DIS3L2: variants seen among roughly 807,000 people sequenced by gnomAD.
The protein encoded by DIS3L2 is DIS3 like 3'-5' exoribonuclease 2, also known as DIS3-like exonuclease 2.
Under a neutral mutation model 97.5 loss-of-function variants are expected in DIS3L2, and 34 were observed. The observed-to-expected ratio is 0.35, with a 90% CI of 0.27 to 0.46. DIS3L2 has a LOEUF of 0.46. Among genes scored for constraint, DIS3L2 ranks in the 20% least tolerant of loss-of-function variants. The pLI, the probability that DIS3L2 is intolerant of heterozygous loss-of-function variation, is 1.00. For missense variants in DIS3L2, 1,038 were observed against 1,146.0 expected (o/e 0.91, Z 1.36); for synonymous variants, 435 against 445.2 (o/e 0.98, Z 0.29).
At chr2:232,208,838 G>A (rs796318686) in intron 9 of DIS3L2, among the ~76,000 whole-genome samples, 5 of 152,092 alleles carry the variant, frequency 3.3e-5, no homozygotes, top group African/African-American at 1.2e-4. Context: ...GATCAGCCTG[G>A]GGAACAGAGT....
chr2:232,113,471 G>C (rs1222207237), intron 6 of DIS3L2, among the ~76,000 whole-genome samples: 2 of 152,216 alleles, frequency 1.3e-5, no homozygotes, highest in Admixed American at 6.5e-5. Flanking sequence ...TTAGACAGTT[G>C]CAAAGTGGTT....
intron 3 of DIS3L2, among the ~76,000 whole-genome samples, chr2:232,024,021 G>A (rs866887392): frequency 2.0e-5 from 3 of 152,062 alleles, no homozygotes; most frequent in South Asian, 2.1e-4. Context: ...CCCACTCTAC[G>A]CCAAGCTCTG....
chr2:232,183,606 T>G (rs1013055352), intron 9 of DIS3L2, among the ~76,000 whole-genome samples: 2 of 152,196 alleles, frequency 1.3e-5, no homozygotes, highest in African/African-American at 2.4e-5. Flanking sequence ...GTGTCAGACC[T>G]TTTCACAGCC....
At chr2:231,984,917 G>A (rs775265380) in intron 1 of DIS3L2, among the ~76,000 whole-genome samples, 1 of 152,128 alleles carries the variant, frequency 6.6e-6, no homozygotes, top group Non-Finnish European at 1.5e-5. Context: ...CACTGTGCCC[G>A]GCAAATTAAA....
chr2:232,147,763 A>C (rs1367477480), intron 8 of DIS3L2, among the ~76,000 whole-genome samples: 8 of 152,234 alleles, frequency 5.3e-5, no homozygotes, highest in Non-Finnish European at 1.2e-4. Flanking sequence ...ATTTACAATG[A>C]AATTAAATTT....
intron 5 of DIS3L2, among the ~76,000 whole-genome samples, chr2:232,059,431 G>T (rs768785202): frequency 6.6e-6 from 1 of 152,146 alleles, no homozygotes; most frequent in South Asian, 2.1e-4. Context: ...CCCAGCATAA[G>T]CCCTGAATCT....
At chr2:231,992,260 A>G (rs1487005220) in intron 1 of DIS3L2, among the ~76,000 whole-genome samples, 2 of 151,998 alleles carry the variant, frequency 1.3e-5, no homozygotes, top group Non-Finnish European at 2.9e-5. Flanking sequence ...TAATGGGTAA[A>G]ATTTTAAGAG....
chr2:232,091,952 G>A (rs190386450), intron 6 of DIS3L2, among the ~76,000 whole-genome samples: 7 of 152,076 alleles, frequency 4.6e-5, no homozygotes, highest in African/African-American at 1.7e-4. Context: ...TGTCTTCCTC[G>A]CTCAAGAAGT....
chr2:232,277,521 A>G (rs1355246007), intron 13 of DIS3L2, among the ~76,000 whole-genome samples: 1 of 152,096 alleles, frequency 6.6e-6, no homozygotes, highest in African/African-American at 2.4e-5. Flanking sequence ...CTTTCTTACT[A>G]CCTTTTATTA....
In DIS3L2 at chr2:232,303,831, T is replaced by G. The variant is rs75019116; in HGVS notation, c.1739+3712T>G. Among the ~76,000 whole-genome samples the G allele has an allele frequency of 2.5e-3, 377 of 152,324 alleles. 1 individual carries two copies. Among genetic ancestry groups the G allele is most frequent in the Non-Finnish European group, 4.4e-3 (298 of 68,028 alleles). On this transcript the variant is annotated intron_variant, in intron 14 of 20. Coordinates refer to ENST00000325385, the MANE Select transcript of DIS3L2 (RefSeq NM_152383.5). ...GCCTGATAATTTTGATCCTTGGCTC[T>G]CTGTCATCCTGTTCTCCTTTCACAT...
downstream of DIS3L2, among the ~76,000 whole-genome samples, chr2:232,337,857 G>T (rs915422332): frequency 6.6e-6 from 1 of 151,614 alleles, no homozygotes; most frequent in Non-Finnish European, 1.5e-5. Flanking sequence ...GACGGGGCTG[G>T]CTATGGGAGG....
intron 10 of DIS3L2, among the ~76,000 whole-genome samples, chr2:232,218,243 C>G (rs1001468511): frequency 4.6e-5 from 7 of 152,196 alleles, no homozygotes; most frequent in Admixed American, 2.0e-4. Context: ...CGCGGATGAA[C>G]ACGCATGCTC....
chr2:232,194,122 AAAAG>A lies in DIS3L2; in HGVS notation c.1125-16200_1125-16197del, dbSNP rs568230589. The stretch of plus-strand genomic sequence containing the variant: ...AAGACTCTGTCTCAAAAGAAAAAGA[AAAAG>A]AAAAAAGATTCAATTTAGTAAATAT... On this transcript the variant is annotated intron_variant, in intron 9 of 20. Coordinates refer to ENST00000325385, the MANE Select transcript of DIS3L2 (RefSeq NM_152383.5). Among the ~76,000 whole-genome samples the A allele has an allele frequency of 4.7e-4, 71 of 152,178 alleles. 1 individual carries two copies. The highest frequency in any genetic ancestry group is 2.3e-3 in the Admixed American group (35 of 15,282).
At chr2:232,095,461 C>T (rs746353136) in intron 6 of DIS3L2, among the ~76,000 whole-genome samples, 1 of 152,148 alleles carries the variant, frequency 6.6e-6, no homozygotes, top group Non-Finnish European at 1.5e-5. Flanking sequence ...GTAACTTCAT[C>T]CCCTCACTTT....
intron 10 of DIS3L2, among the ~76,000 whole-genome samples, chr2:232,224,137 C>T (rs1454077725): frequency 6.6e-6 from 1 of 152,150 alleles, no homozygotes; most frequent in East Asian, 1.9e-4. Context: ...AATAAATGTT[C>T]AGCTGCTGCT....
At chr2:232,034,755 A>C (rs899505644) in intron 5 of DIS3L2, among the ~76,000 whole-genome samples, 1 of 152,168 alleles carries the variant, frequency 6.6e-6, no homozygotes, top group African/African-American at 2.4e-5. Flanking sequence ...CAGGTTGTTC[A>C]GTTTCCATGT....
intron 12 of DIS3L2, among the ~76,000 whole-genome samples, chr2:232,259,352 G>A (rs1331706853): frequency 6.6e-6 from 1 of 152,138 alleles, no homozygotes; most frequent in African/African-American, 2.4e-5. Flanking sequence ...AGCATAGGCG[G>A]TGAGCAGGCT....
chr2:232,223,400 G>A (rs967065522), intron 10 of DIS3L2, among the ~76,000 whole-genome samples: 4 of 152,164 alleles, frequency 2.6e-5, no homozygotes, highest in Non-Finnish European at 5.9e-5. Flanking sequence ...GCTATAAAAT[G>A]GTGGTTTGAA....
At chr2:232,197,943 C>T (rs1290919855) in intron 9 of DIS3L2, among the ~76,000 whole-genome samples, 1 of 147,640 alleles carries the variant, frequency 6.8e-6, no homozygotes, top group Non-Finnish European at 1.5e-5. Flanking sequence ...CCAGCCTGGG[C>T]GACAGAGTGA....
Sources: allele counts gnomAD v4.1 joint callset (sites outside exome capture counted in the v4.1 genomes callset), GRCh38; gene constraint gnomAD v4.1.1; transcripts MANE v1.5; gene names NCBI Gene and HGNC (gene_info 2026-07-23, HGNC 2026-07-21).